Variants in NELL2 observed in about 807,000 individuals in gnomAD.
The protein encoded by NELL2 is neural EGFL like 2.
A neutral mutation model predicts 109.6 loss-of-function variants in NELL2; 41 were observed. The observed-to-expected ratio is 0.37, with a 90% CI of 0.29 to 0.49. NELL2 has a LOEUF of 0.49. Among genes scored for constraint, NELL2 ranks in the 20% least tolerant of loss-of-function variants. The probability of loss-of-function intolerance (pLI) is 0.98; values close to 1 mark genes in which losing one functional copy is unlikely to be tolerated. For missense variants in NELL2, 900 were observed against 1,008.3 expected (o/e 0.89, Z 1.45); for synonymous variants, 355 against 344.7 (o/e 1.03, Z -0.33).
At chr12:44,628,419 G>A (rs1366207467) in intron 13 of NELL2, among the ~76,000 whole-genome samples, 1 of 152,124 alleles carries the variant, frequency 6.6e-6, no homozygotes, top group Non-Finnish European at 1.5e-5. Context: ...CCAAAATGTG[G>A]TCTCATGCAA....
chr12:44,876,973 A>G (rs1566583561), upstream of NELL2: 1 of 1,036,690 alleles, frequency 9.6e-7, no homozygotes, highest in South Asian at 2.9e-5. Context: ...CGGAGAGCGC[A>G]GAGAACTTGG....
At chr12:44,570,015 G>C (rs1376997) in intron 15 of NELL2, among the ~76,000 whole-genome samples, 69,766 of 152,016 alleles carry the variant, frequency 0.46, 17,382 homozygotes, top group East Asian at 0.69. Context: ...CATCTGAAAA[G>C]CAGGTAACTT....
At chr12:44,848,956 A>T (rs961909737) in intron 2 of NELL2, among the ~76,000 whole-genome samples, 4 of 151,816 alleles carry the variant, frequency 2.6e-5, no homozygotes, top group African/African-American at 9.7e-5. Flanking sequence ...TCATAATCTC[A>T]TATCTGGTTC....
At chr12:44,768,809 T>C (rs1386515903) in intron 9 of NELL2, among the ~76,000 whole-genome samples, 1 of 152,206 alleles carries the variant, frequency 6.6e-6, no homozygotes, top group Admixed American at 6.5e-5. Context: ...TCTATTCATG[T>C]GGCCCCTCGT....
chr12:44,587,102 C>A (rs1944538022), intron 15 of NELL2, among the ~76,000 whole-genome samples: 2 of 151,248 alleles, frequency 1.3e-5, no homozygotes, highest in Non-Finnish European at 2.9e-5. Context: ...GAAACCCCAT[C>A]TCTACTAAAA....
intron 15 of NELL2, among the ~76,000 whole-genome samples, chr12:44,586,716 G>T (rs551443860): frequency 6.6e-6 from 1 of 152,270 alleles, no homozygotes; most frequent in East Asian, 1.9e-4. Context: ...TATTGCAGTA[G>T]TTAGCTTTTT....
At chr12:44,763,716 C>T (rs1429572854) in intron 9 of NELL2, among the ~76,000 whole-genome samples, 2 of 152,058 alleles carry the variant, frequency 1.3e-5, no homozygotes, top group Non-Finnish European at 2.9e-5. Context: ...CTTCAAGAAT[C>T]AAGTGGTACA....
At chr12:44,678,441 C>A (rs1351697540) in intron 12 of NELL2, among the ~76,000 whole-genome samples, 1 of 152,030 alleles carries the variant, frequency 6.6e-6, no homozygotes, top group East Asian at 1.9e-4. Context: ...ATGGCATTCA[C>A]TTCTGGAGTC....
At chr12:44,713,833 G>A (rs1938344282) in intron 10 of NELL2, among the ~76,000 whole-genome samples, 1 of 151,742 alleles carries the variant, frequency 6.6e-6, no homozygotes, top group East Asian at 1.9e-4. Context: ...GTTTATTGGT[G>A]GTGCCAGCAG....
At chr12:44,909,706 C>T (rs958860791) in intron 1 of NELL2, among the ~76,000 whole-genome samples, 1 of 151,076 alleles carries the variant, frequency 6.6e-6, no homozygotes, top group Non-Finnish European at 1.5e-5. Flanking sequence ...GGCTACAGTA[C>T]TCAAAACAGC....
At chr12:44,899,242 CA>C (rs1359473991) in intron 1 of NELL2, among the ~76,000 whole-genome samples, 1 of 152,086 alleles carries the variant, frequency 6.6e-6, no homozygotes, top group Non-Finnish European at 1.5e-5. Flanking sequence ...GGCCAACATT[CA>C]AATTCAGGAA....
rs573706342 is a variant in NELL2 at position 44,763,393 on chromosome 12, G to A, written c.994+11354C>T. ...AAGCATGATGCTTACCCACAAAATAGTATGAAAAGAATACGTTATCTACTG... is the reference window on the plus strand; with the variant it reads ...AAGCATGATGCTTACCCACAAAATAATATGAAAAGAATACGTTATCTACTG... On this transcript the variant is annotated intron_variant, in intron 9 of 19. Transcript: ENST00000429094. Among the ~76,000 whole-genome samples, 186 of 152,220 alleles carry A rather than the reference G, an allele frequency of 1.2e-3. 1 individual carries two copies. The highest frequency in any genetic ancestry group is 4.4e-3 in the African/African-American group (181 of 41,526).
Position 44,519,899 on chromosome 12 carries a change from GAA to G in NELL2, c.2400+104_2400+105del, listed in dbSNP as rs60797262. 1.7e-3 allele frequency: 1,437 copies of G among 834,950 alleles called. 5 individuals are homozygous for G. The highest frequency in any genetic ancestry group is 0.012 in the South Asian group (746 of 60,830). The allele number at this position is 834,950 out of a possible 1,614,324, so 51.7% of individuals were successfully genotyped here. A position where few individuals can be genotyped will look rare whatever the true frequency, so the allele number is the denominator to read the frequency against. ...CCACCTATGTTTGAAAAATAAACAG[GAA>G]AAAAAAAAAAAACCTTCCTATTGTC... On this transcript the variant is annotated intron_variant, in intron 19 of 19. Transcript: ENST00000429094.
intron 2 of NELL2, among the ~76,000 whole-genome samples, chr12:44,846,368 T>C (rs1035463166): frequency 1.3e-5 from 2 of 152,212 alleles, no homozygotes; most frequent in Admixed American, 1.3e-4. Flanking sequence ...TTATGAAGAT[T>C]CTTGACTCTG....
chr12:44,867,447 T>C (rs1393978305), intron 2 of NELL2, among the ~76,000 whole-genome samples: 1 of 152,064 alleles, frequency 6.6e-6, no homozygotes, highest in Non-Finnish European at 1.5e-5. Context: ...TGATAAAAAC[T>C]CTCAATAAAT....
chr12:44,882,894 G>A (rs12822444), intron 1 of NELL2, among the ~76,000 whole-genome samples: 49,369 of 140,034 alleles, frequency 0.35, 9,005 homozygotes, highest in South Asian at 0.58. Flanking sequence ...AGACTGTAGC[G>A]TAGTGGTGCA....
At chr12:44,674,387 T>C (rs1371872017) in intron 12 of NELL2, among the ~76,000 whole-genome samples, 1 of 151,544 alleles carries the variant, frequency 6.6e-6, no homozygotes, top group Non-Finnish European at 1.5e-5. Flanking sequence ...TGACTAAGAG[T>C]AGAGATATCC....
chr12:44,883,498 A>C (rs1566591066), intron 1 of NELL2, among the ~76,000 whole-genome samples: 1 of 152,062 alleles, frequency 6.6e-6, no homozygotes, highest in African/African-American at 2.4e-5. Flanking sequence ...TGCCTTAATC[A>C]CATGTTCAAG....
At chr12:44,606,151 G>C (rs941439502) in intron 15 of NELL2, among the ~76,000 whole-genome samples, 2 of 152,132 alleles carry the variant, frequency 1.3e-5, no homozygotes, top group African/African-American at 4.8e-5. Flanking sequence ...CTTATAGAAA[G>C]AGATGATCTA....
Sources: gnomAD v4.1 joint callset for allele counts (sites outside exome capture counted in the v4.1 genomes callset) on GRCh38, gnomAD v4.1.1 for gene constraint, MANE v1.5 for transcripts, NCBI Gene and HGNC (gene_info 2026-07-23, HGNC 2026-07-21) for gene names.